Variants in COL4A6 observed in about 807,000 individuals in gnomAD.
The protein encoded by COL4A6 is collagen type IV alpha 6 chain.
COL4A6 carries 59 observed loss-of-function variants against 126.7 expected under a neutral mutation model. The ratio of observed to expected loss-of-function variants is 0.47; its 90% CI spans 0.38 to 0.58. The LOEUF (loss-of-function observed/expected upper bound fraction) is 0.58, where lower values mean the gene tolerates loss of function less well. Among genes scored for constraint, COL4A6 ranks in the 20% least tolerant of loss-of-function variants. The probability of loss-of-function intolerance (pLI) is 0.00; values close to 1 mark genes in which losing one functional copy is unlikely to be tolerated. For missense variants in COL4A6, 1,285 were observed against 1,337.3 expected, an observed-to-expected ratio of 0.96 and a Z score of 0.61; for synonymous variants, 547 against 496.6, an observed-to-expected ratio of 1.10 and a Z score of -1.35.
chrX:108,275,282 A>G (rs1474489783), intron 3 of COL4A6, among the ~76,000 whole-genome samples: 1 of 112,006 alleles, frequency 8.9e-6, no homozygotes, highest in African/African-American at 3.2e-5. Context: ...CTATCAAAAC[A>G]GTTTCTCCAT....
intron 2 of COL4A6, among the ~76,000 whole-genome samples, chrX:108,377,941 C>CAAAAAA (rs745969449): frequency 9.7e-4 from 7 of 7,246 alleles, no homozygotes; most frequent in African/African-American, 2.7e-3. Flanking sequence ...GACTCCGTCT[C>CAAAAAA]AAAAAAAAAA....
intron 2 of COL4A6, among the ~76,000 whole-genome samples, chrX:108,319,157 G>A (rs943064835): frequency 8.9e-6 from 1 of 111,981 alleles, no homozygotes; most frequent in East Asian, 2.8e-4. Context: ...CAGGGGGATC[G>A]CTTGAGCCGA....
rs1453368335 is a variant in COL4A6, at chrX:108,195,145, C to T, written c.904-19G>A. On this transcript the variant is annotated intron_variant, in intron 14 of 44. Transcript: ENST00000334504. ...TGGGACCCTGTAAAGAAAATAGTTA[C>T]ACCTTAGAAACAGCAATAGGCTACC... 7 of 1,181,966 alleles carry T rather than the reference C, an allele frequency of 5.9e-6. No individual in the cohort carries two copies. The East Asian group carries it at 2.1e-4, about 35-fold the overall frequency.
At chrX:108,205,060 G>A (rs2035506880) in intron 11 of COL4A6, among the ~76,000 whole-genome samples, 1 of 109,543 alleles carries the variant, frequency 9.1e-6, no homozygotes, top group Non-Finnish European at 1.9e-5. Flanking sequence ...GGGAGGAGGA[G>A]AAAGGGTAGA....
At chrX:108,334,005 T>C (rs2039372381) in intron 2 of COL4A6, among the ~76,000 whole-genome samples, 1 of 111,532 alleles carries the variant, frequency 9.0e-6, no homozygotes, top group African/African-American at 3.3e-5. Flanking sequence ...CAATTTCTAT[T>C]AAATTATCAA....
intron 2 of COL4A6, among the ~76,000 whole-genome samples, chrX:108,408,228 A>G (rs1026141528): frequency 8.1e-5 from 9 of 111,010 alleles, no homozygotes; most frequent in African/African-American, 3.0e-4. Context: ...AGGTGGGTGG[A>G]TTGCTTGGGC....
At chrX:108,305,685 A>T (rs1415011184) in intron 3 of COL4A6, among the ~76,000 whole-genome samples, 1 of 111,835 alleles carries the variant, frequency 8.9e-6, no homozygotes, top group African/African-American at 3.3e-5. Flanking sequence ...CAATTTCAGA[A>T]GACAAATGGA....
chrX:108,396,358 A>T (rs1388813700), intron 2 of COL4A6, among the ~76,000 whole-genome samples: 1 of 111,500 alleles, frequency 9.0e-6, no homozygotes, highest in Non-Finnish European at 1.9e-5. Context: ...CCCAAGAATG[A>T]ATTCACAACC....
chrX:108,277,286 C>A (rs962603966), intron 3 of COL4A6, among the ~76,000 whole-genome samples: 2 of 111,853 alleles, frequency 1.8e-5, no homozygotes, highest in African/African-American at 3.3e-5. Context: ...ACTCCCACCC[C>A]AATACTGCGC....
intron 37 of COL4A6, 42 bp downstream of exon 37, chrX:108,169,453 C>T (rs779287961): frequency 8.3e-7 from 1 of 1,205,563 alleles, no homozygotes; most frequent in East Asian, 3.0e-5. Flanking sequence ...ACTCTCCCAG[C>T]AAGGCCTCAC....
intron 3 of COL4A6, among the ~76,000 whole-genome samples, chrX:108,298,779 C>T (rs1167919099): frequency 1.8e-5 from 2 of 109,507 alleles, no homozygotes; most frequent in Non-Finnish European, 3.8e-5. Context: ...CTGGTGCCTC[C>T]AAGGGACCTT....
At chrX:108,409,756 T>G (rs1434561419) in intron 2 of COL4A6, among the ~76,000 whole-genome samples, 2 of 112,410 alleles carry the variant, frequency 1.8e-5, no homozygotes, top group East Asian at 2.8e-4. Context: ...ATGGGTTGGA[T>G]GACGAATGTC....
At chrX:108,177,968 G>A (rs1268824904) in intron 27 of COL4A6, among the ~76,000 whole-genome samples, 1 of 112,040 alleles carries the variant, frequency 8.9e-6, no homozygotes, top group Non-Finnish European at 1.9e-5. Flanking sequence ...AGCCATTGGG[G>A]GTGTTAGTCT....
At chrX:108,343,569 A>T (rs1182117127) in intron 2 of COL4A6, among the ~76,000 whole-genome samples, 2 of 111,215 alleles carry the variant, frequency 1.8e-5, no homozygotes, top group Non-Finnish European at 3.8e-5. Flanking sequence ...GGATTTGTGG[A>T]TTGGAAGAGA....
At chrX:108,174,061 G>A (rs767682434) in intron 31 of COL4A6, among the ~76,000 whole-genome samples, 1 of 112,324 alleles carries the variant, frequency 8.9e-6, no homozygotes, top group Non-Finnish European at 1.9e-5. Flanking sequence ...ATCTCATTGA[G>A]GAAGTCAGAC....
chrX:108,372,115 A>G (rs1324294818), intron 2 of COL4A6, among the ~76,000 whole-genome samples: 1 of 111,034 alleles, frequency 9.0e-6, no homozygotes, highest in Non-Finnish European at 1.9e-5. Context: ...AATCAGGGAG[A>G]CTAACAGTCA....
intron 2 of COL4A6, among the ~76,000 whole-genome samples, chrX:108,415,632 T>C (rs2041420220): frequency 1.8e-5 from 2 of 112,131 alleles, no homozygotes; most frequent in African/African-American, 6.5e-5. Context: ...AAAGGAAATA[T>C]CCTTATCATT....
rs1412600528 is a variant in COL4A6, at chrX:108,278,879, A to C, written c.144+31869T>G. 4.9e-3 allele frequency among the ~76,000 whole-genome samples: 551 copies of C among 111,344 alleles called. 4 individuals carry two copies. Among genetic ancestry groups the C allele is most frequent in the South Asian group, 0.016 (41 of 2,578 alleles). ...AAGAATTTTCAATCCAGAATTTCAT[A>C]TCCAGCCAAACTAAGCTTCATAAGT... On this transcript the variant is annotated intron_variant, in intron 3 of 44. Coordinates refer to ENST00000334504, the MANE Select transcript of COL4A6 (RefSeq NM_033641.4).
At chrX:108,258,902 GA>G (rs1312589929) in intron 3 of COL4A6, among the ~76,000 whole-genome samples, 1 of 111,534 alleles carries the variant, frequency 9.0e-6, no homozygotes, top group Non-Finnish European at 1.9e-5. Flanking sequence ...TGTTGCCTCT[GA>G]CTGGAATAGC....
Sources: gnomAD v4.1 joint callset for allele counts (sites outside exome capture counted in the v4.1 genomes callset) on GRCh38, gnomAD v4.1.1 for gene constraint, MANE v1.5 for transcripts, NCBI Gene and HGNC (gene_info 2026-07-23, HGNC 2026-07-21) for gene names.